Variants in PTPRD observed in about 807,000 individuals in gnomAD.
PTPRD encodes the protein receptor-type tyrosine-protein phosphatase delta.
PTPRD carries 34 observed loss-of-function variants against 214.5 expected under a neutral mutation model. That is an observed-to-expected ratio of 0.16 (90% CI 0.12 to 0.21). PTPRD has a LOEUF of 0.21. Among genes scored for constraint, PTPRD ranks in the 10% least tolerant of loss-of-function variants. The probability of loss-of-function intolerance (pLI) is 1.00; values close to 1 mark genes in which losing one functional copy is unlikely to be tolerated. For missense variants in PTPRD, 2,545 were observed against 2,398.7 expected, an observed-to-expected ratio of 1.06 and a Z score of -1.27; for synonymous variants, 1,128 against 845.7, an observed-to-expected ratio of 1.33 and a Z score of -5.79.
chr9:9,438,190 C>G (rs934916456), intron 8 of PTPRD, among the ~76,000 whole-genome samples: 1 of 152,080 alleles, frequency 6.6e-6, no homozygotes, highest in African/African-American at 2.4e-5. Flanking sequence ...TCTTTAGCAT[C>G]ATATTATGAG....
At position 10,304,193 on chromosome 9, in the gene PTPRD, G is replaced by A. The variant is rs543092412; in HGVS notation, c.-545+36770C>T. Among the ~76,000 whole-genome samples the A allele has an allele frequency of 3.9e-5, 6 of 152,148 alleles. No homozygotes were observed. In the South Asian group the frequency reaches 8.3e-4, roughly 21 times the overall value. ...GATTATCTCAATAAATGCAGAAAAG[G>A]CTTCCAACAAAATTCAACAGCCCTT... On this transcript the variant is annotated intron_variant, in intron 3 of 45. Transcript: ENST00000381196.
At chr9:10,225,470 A>T (rs1390718134) in intron 3 of PTPRD, among the ~76,000 whole-genome samples, 1 of 152,040 alleles carries the variant, frequency 6.6e-6, no homozygotes, top group Admixed American at 6.6e-5. Flanking sequence ...TTAATGTAAG[A>T]TCATAGAGGG....
At chr9:8,707,587 G>C (rs1047222474) in intron 12 of PTPRD, among the ~76,000 whole-genome samples, 1 of 152,238 alleles carries the variant, frequency 6.6e-6, no homozygotes, top group Non-Finnish European at 1.5e-5. Flanking sequence ...GAAGCAGGCA[G>C]TTAGGGAGGT....
intron 2 of PTPRD, among the ~76,000 whole-genome samples, chr9:10,443,942 T>C (rs80178690): frequency 0.076 from 11,465 of 151,622 alleles, 705 homozygotes; most frequent in African/African-American, 0.15. Context: ...CTCCTATAAG[T>C]TGCTTTACTC....
intron 2 of PTPRD, among the ~76,000 whole-genome samples, chr9:10,395,954 T>TGAGAGAGAAAGAGAGAGAGAGAGA (rs2098161431): frequency 2.2e-5 from 3 of 134,310 alleles, no homozygotes; most frequent in South Asian, 5.2e-4. Flanking sequence ...ATAGAGAGAA[T>TGAGAGAGAAAGAGAGAGAGAGAGA]GAGAGAGAGA....
chr9:10,109,104 C>T lies in PTPRD; in HGVS notation c.-544-75314G>A, dbSNP rs542646527. Among the ~76,000 whole-genome samples the T allele has an allele frequency of 9.9e-5, 15 of 152,204 alleles. No homozygotes were observed. In the South Asian group the frequency reaches 3.1e-3, roughly 32 times the overall value. ...AAAAAGAAACAATGTGAACATGTTG[C>T]CATATTTTTAAGTAGTCAGCAAAGT... On this transcript the variant is annotated intron_variant, in intron 3 of 45. Transcript: ENST00000381196.
At chr9:8,673,158 A>T (rs1348134233) in intron 12 of PTPRD, among the ~76,000 whole-genome samples, 3 of 151,726 alleles carry the variant, frequency 2.0e-5, no homozygotes, top group African/African-American at 7.3e-5. Context: ...ATATCAGATC[A>T]TCTCTCAAAG....
chr9:9,927,896 AG>A (rs1456708674), intron 5 of PTPRD, among the ~76,000 whole-genome samples: 15 of 152,138 alleles, frequency 9.9e-5, no homozygotes, highest in Non-Finnish European at 1.2e-4. Flanking sequence ...TGCAGTTGAG[AG>A]GTTGGCGAGT....
At chr9:9,503,593 T>G (rs2096490014) in intron 8 of PTPRD, among the ~76,000 whole-genome samples, 1 of 151,756 alleles carries the variant, frequency 6.6e-6, no homozygotes, top group Non-Finnish European at 1.5e-5. Flanking sequence ...ACAGTAAATA[T>G]TGCATAGGAA....
At chr9:9,986,754 T>A (rs1486800116) in intron 4 of PTPRD, among the ~76,000 whole-genome samples, 1 of 152,182 alleles carries the variant, frequency 6.6e-6, no homozygotes, top group Non-Finnish European at 1.5e-5. Flanking sequence ...ACTTTTGTGA[T>A]TGAAATACTC....
At chr9:8,642,072 C>G (rs1328144402) in intron 12 of PTPRD, among the ~76,000 whole-genome samples, 1 of 152,134 alleles carries the variant, frequency 6.6e-6, no homozygotes, top group East Asian at 1.9e-4. Context: ...TGAAGTCCAC[C>G]AGTAACATCC....
intron 10 of PTPRD, among the ~76,000 whole-genome samples, chr9:9,102,658 T>C (rs1006383760): frequency 7.9e-5 from 12 of 152,334 alleles, no homozygotes; most frequent in African/African-American, 2.4e-4. Flanking sequence ...CATTTACCAA[T>C]GACAACATTT....
intron 11 of PTPRD, among the ~76,000 whole-genome samples, chr9:8,751,262 T>C (rs946541681): frequency 2.0e-5 from 3 of 152,182 alleles, no homozygotes; most frequent in Non-Finnish European, 4.4e-5. Flanking sequence ...GTAAAGTACC[T>C]GACATTAGTT....
intron 10 of PTPRD, among the ~76,000 whole-genome samples, chr9:9,036,684 A>T (rs970250001): frequency 6.6e-6 from 1 of 152,148 alleles, no homozygotes; most frequent in Admixed American, 6.6e-5. Context: ...CTAGGTGAAA[A>T]TTCTAAAATG....
At chr9:9,908,981 A>G (rs909503373) in intron 5 of PTPRD, among the ~76,000 whole-genome samples, 7 of 152,030 alleles carry the variant, frequency 4.6e-5, no homozygotes, top group African/African-American at 1.7e-4. Flanking sequence ...CAAGTGGTTT[A>G]AAATTGACAT....
At chr9:10,159,074 G>A (rs941742717) in intron 3 of PTPRD, among the ~76,000 whole-genome samples, 2 of 151,920 alleles carry the variant, frequency 1.3e-5, no homozygotes, top group Non-Finnish European at 2.9e-5. Context: ...AATTGTCTTT[G>A]GAATATCCCC....
chr9:9,080,803 C>T (rs1255626735), intron 10 of PTPRD, among the ~76,000 whole-genome samples: 1 of 152,096 alleles, frequency 6.6e-6, no homozygotes, highest in African/African-American at 2.4e-5. Flanking sequence ...TTACAATATT[C>T]TCTGATGGTA....
chr9:9,542,240 T>A (rs2077755517), intron 8 of PTPRD, among the ~76,000 whole-genome samples: 1 of 151,728 alleles, frequency 6.6e-6, no homozygotes, highest in East Asian at 1.9e-4. Context: ...TGAGCAACTT[T>A]ATGCCAATAA....
intron 9 of PTPRD, among the ~76,000 whole-genome samples, chr9:9,281,988 A>G (rs1947870134): frequency 6.6e-6 from 1 of 151,408 alleles, no homozygotes; most frequent in African/African-American, 2.4e-5. Context: ...CATATTACTA[A>G]GTGAAAGAAG....
Sources: allele counts gnomAD v4.1 joint callset (sites outside exome capture counted in the v4.1 genomes callset), GRCh38; gene constraint gnomAD v4.1.1; transcripts MANE v1.5; gene names NCBI Gene and HGNC (gene_info 2026-07-23, HGNC 2026-07-21).